The following DLG2 variants were observed in gnomAD, a reference collection of about 807,000 sequenced individuals.
DLG2 encodes disks large homolog 2.
DLG2 carries 45 observed loss-of-function variants against 132.5 expected under a neutral mutation model. The ratio of observed to expected loss-of-function variants is 0.34; its 90% CI spans 0.27 to 0.44. DLG2 has a LOEUF of 0.44. Among genes scored for constraint, DLG2 ranks in the 20% least tolerant of loss-of-function variants. The probability of loss-of-function intolerance (pLI) is 1.00; values close to 1 mark genes in which losing one functional copy is unlikely to be tolerated. For synonymous variants in DLG2, 424 were observed against 419.6 expected, an observed-to-expected ratio of 1.01 and a Z score of -0.13; for missense variants, 1,045 against 1,196.9, an observed-to-expected ratio of 0.87 and a Z score of 1.87.
At chr11:85,221,087 G>C (rs2074609657) in intron 4 of DLG2, among the ~76,000 whole-genome samples, 1 of 150,758 alleles carries the variant, frequency 6.6e-6, no homozygotes, top group African/African-American at 2.4e-5. Flanking sequence ...CTGTCGCCCA[G>C]GCTGGAGTAC....
chr11:85,602,410 T>C (rs575780859), intron 2 of DLG2, among the ~76,000 whole-genome samples: 2 of 152,130 alleles, frequency 1.3e-5, no homozygotes, highest in East Asian at 3.9e-4. Flanking sequence ...TTTCTTTCTG[T>C]CTTTGTTTGT....
chr11:83,750,846 C>G (rs1174327869), intron 18 of DLG2, among the ~76,000 whole-genome samples: 1 of 152,174 alleles, frequency 6.6e-6, no homozygotes, highest in Admixed American at 6.5e-5. Context: ...TCCTAACTTA[C>G]AGTCCAGATA....
At chr11:85,001,682 G>A (rs2154130866) in intron 6 of DLG2, among the ~76,000 whole-genome samples, 1 of 152,168 alleles carries the variant, frequency 6.6e-6, no homozygotes, top group African/African-American at 2.4e-5. Context: ...CTATAATGAT[G>A]GACACATGCT....
At chr11:84,979,125 A>C (rs2055354020) in intron 6 of DLG2, among the ~76,000 whole-genome samples, 1 of 152,206 alleles carries the variant, frequency 6.6e-6, no homozygotes, top group African/African-American at 2.4e-5. Flanking sequence ...ATCTCACACC[A>C]GTTAGAATGG....
intron 20 of DLG2, among the ~76,000 whole-genome samples, chr11:83,537,533 A>G (rs1272581753): frequency 6.6e-6 from 1 of 152,126 alleles, no homozygotes; most frequent in Non-Finnish European, 1.5e-5. Context: ...AGCATGGGAC[A>G]GCCAGGCGCG....
intron 6 of DLG2, among the ~76,000 whole-genome samples, chr11:84,933,962 C>T (rs2048381649): frequency 6.6e-6 from 1 of 152,138 alleles, no homozygotes; most frequent in Non-Finnish European, 1.5e-5. Flanking sequence ...GGAATGCTTT[C>T]AGCTTTTGCC....
chr11:85,206,118 T>A (rs1310871136), intron 4 of DLG2, among the ~76,000 whole-genome samples: 2 of 152,022 alleles, frequency 1.3e-5, no homozygotes, highest in Non-Finnish European at 2.9e-5. Flanking sequence ...TTTAAAAGTG[T>A]GTGGCACCTC....
At chr11:83,685,956 C>T (rs1396550881) in intron 18 of DLG2, among the ~76,000 whole-genome samples, 1 of 151,872 alleles carries the variant, frequency 6.6e-6, no homozygotes, top group Non-Finnish European at 1.5e-5. Context: ...ACACCCCATG[C>T]CTTATTCATC....
At chr11:84,086,379 C>T (rs1271153730) in intron 10 of DLG2, among the ~76,000 whole-genome samples, 1 of 151,986 alleles carries the variant, frequency 6.6e-6, no homozygotes, top group Non-Finnish European at 1.5e-5. Flanking sequence ...TTAAAATTTG[C>T]CCTTTTAAAG....
At chr11:84,314,656 T>A (rs1254299553) in intron 7 of DLG2, among the ~76,000 whole-genome samples, 1 of 151,984 alleles carries the variant, frequency 6.6e-6, no homozygotes. Flanking sequence ...TGATATACTC[T>A]AGGACAGAAA....
intron 17 of DLG2, chr11:83,791,192 A>T (rs1221819483): frequency 3.1e-6 from 2 of 638,214 alleles, no homozygotes; most frequent in Non-Finnish European, 5.7e-6. Flanking sequence ...ATGGCTGCGG[A>T]GGGAGGTGGC....
At chr11:83,988,535 A>G (rs2093493547) in intron 11 of DLG2, among the ~76,000 whole-genome samples, 1 of 152,162 alleles carries the variant, frequency 6.6e-6, no homozygotes, top group East Asian at 1.9e-4. Flanking sequence ...GATTCTTCCT[A>G]TCCATGAGCA....
Position 84,496,771 on chromosome 11 carries a change from C to T in DLG2, c.519+37799G>A, listed in dbSNP as rs113749969. On this transcript the variant is annotated intron_variant, in intron 7 of 27. Coordinates refer to ENST00000376104, the MANE Select transcript of DLG2 (RefSeq NM_001142699.3). ...TCTTATTTTGTTTCCTCACGGTTCA[C>T]GGTTCACTGGAATAAAAAGGAAGCC... Among the ~76,000 whole-genome samples the T allele has an allele frequency of 2.1e-3, 319 of 152,102 alleles. 2 individuals are homozygous for T. Among genetic ancestry groups the T allele is most frequent in the African/African-American group, 7.4e-3 (305 of 41,490 alleles).
At chr11:85,311,952 T>C (rs765807118) in intron 3 of DLG2, among the ~76,000 whole-genome samples, 2 of 152,082 alleles carry the variant, frequency 1.3e-5, no homozygotes, top group African/African-American at 2.4e-5. Context: ...TCTAGTTACA[T>C]GTACCTAATC....
chr11:85,283,329 A>T lies in DLG2; in HGVS notation c.186+1891T>A, dbSNP rs186280615. Among the ~76,000 whole-genome samples, 623 of 152,040 alleles carry T rather than the reference A, an allele frequency of 4.1e-3. 2 individuals carry two copies. Among genetic ancestry groups the T allele is most frequent in the Non-Finnish European group, 6.7e-3 (455 of 67,898 alleles). ...CAAGGCAATGAAAGCCTAGAAAAAA[A>T]TACAGGAGAATACTTAACTAGTCCT... On this transcript the variant is annotated intron_variant, in intron 4 of 27. Transcript: ENST00000376104.
chr11:84,347,688 T>C (rs1336627825), intron 7 of DLG2, among the ~76,000 whole-genome samples: 1 of 152,162 alleles, frequency 6.6e-6, no homozygotes, highest in South Asian at 2.1e-4. Flanking sequence ...TATGCTGAAA[T>C]AGTACATGAT....
At chr11:84,482,720 T>C (rs2154493768) in intron 7 of DLG2, among the ~76,000 whole-genome samples, 1 of 152,318 alleles carries the variant, frequency 6.6e-6, no homozygotes, top group African/African-American at 2.4e-5. Flanking sequence ...TTTCTATTTT[T>C]CCCCAAAGAT....
intron 6 of DLG2, among the ~76,000 whole-genome samples, chr11:84,869,289 A>G (rs2085104599): frequency 6.6e-6 from 1 of 152,186 alleles, no homozygotes; most frequent in Admixed American, 6.5e-5. Flanking sequence ...CCTATTTAGT[A>G]AGAGGCTTGC....
intron 6 of DLG2, among the ~76,000 whole-genome samples, chr11:84,962,543 C>T (rs1174294767): frequency 6.6e-6 from 1 of 152,120 alleles, no homozygotes; most frequent in African/African-American, 2.4e-5. Flanking sequence ...ACTGCAGGGG[C>T]CTTGTCTTTT....
Sources: allele counts gnomAD v4.1 joint callset (sites outside exome capture counted in the v4.1 genomes callset), GRCh38; gene constraint gnomAD v4.1.1; transcripts MANE v1.5; gene names NCBI Gene and HGNC (gene_info 2026-07-23, HGNC 2026-07-21).